CDH13: variants seen among roughly 807,000 people sequenced by gnomAD.
CDH13 encodes cadherin 13.
Under a neutral mutation model 63.8 loss-of-function variants are expected in CDH13, and 24 were observed. The observed-to-expected ratio is 0.38, with a 90% CI of 0.27 to 0.53. The LOEUF (loss-of-function observed/expected upper bound fraction) is 0.53, where lower values mean the gene tolerates loss of function less well. Ranked by LOEUF, CDH13 falls within the 20% of genes least tolerant of loss-of-function variation. The pLI, the probability that CDH13 is intolerant of heterozygous loss-of-function variation, is 0.85. For missense variants in CDH13, 1,049 were observed against 903.1 expected, an observed-to-expected ratio of 1.16 and a Z score of -2.07; for synonymous variants, 503 against 355.3, an observed-to-expected ratio of 1.42 and a Z score of -4.67.
intron 1 of CDH13, among the ~76,000 whole-genome samples, chr16:82,734,312 T>G (rs1014019111): frequency 6.6e-6 from 1 of 152,226 alleles, no homozygotes; most frequent in African/African-American, 2.4e-5. Flanking sequence ...TGTTTACTAT[T>G]TGGCCTTTTA....
intron 2 of CDH13, among the ~76,000 whole-genome samples, chr16:82,969,847 C>T (rs976462831): frequency 3.3e-5 from 5 of 152,146 alleles, no homozygotes; most frequent in African/African-American, 4.8e-5. Flanking sequence ...AAACTCTTCT[C>T]TCCAGGAAAC....
At chr16:83,456,979 A>T (rs2073040632) in intron 6 of CDH13, among the ~76,000 whole-genome samples, 1 of 152,092 alleles carries the variant, frequency 6.6e-6, no homozygotes, top group Non-Finnish European at 1.5e-5. Context: ...AAAAAGAAAG[A>T]TCCCCTAGGG....
At chr16:82,701,829 A>T (rs1202183125) in intron 1 of CDH13, among the ~76,000 whole-genome samples, 2 of 152,138 alleles carry the variant, frequency 1.3e-5, no homozygotes, top group African/African-American at 4.8e-5. Context: ...AGGGGACAGG[A>T]TGCTCTGATT....
chr16:83,096,680 C>A (rs1236831574), intron 3 of CDH13, among the ~76,000 whole-genome samples: 5 of 152,290 alleles, frequency 3.3e-5, no homozygotes, highest in East Asian at 1.9e-4. Flanking sequence ...CTCCCTTGGA[C>A]TGAGTGCAAT....
intron 10 of CDH13, among the ~76,000 whole-genome samples, chr16:83,742,932 G>T (rs540363294): frequency 6.6e-6 from 1 of 152,186 alleles, no homozygotes; most frequent in Non-Finnish European, 1.5e-5. Context: ...AACTGGCCAG[G>T]TGCGGTGGCT....
At chr16:83,432,185 G>T (rs75505661) in intron 6 of CDH13, among the ~76,000 whole-genome samples, 6 of 152,096 alleles carry the variant, frequency 3.9e-5, no homozygotes, top group Admixed American at 6.6e-5. Flanking sequence ...TCCCTGTGAC[G>T]TGGGAATCTT....
chr16:82,726,430 A>G (rs1395689454), intron 1 of CDH13, among the ~76,000 whole-genome samples: 1 of 152,212 alleles, frequency 6.6e-6, no homozygotes, highest in Non-Finnish European at 1.5e-5. Context: ...TGGACCACAA[A>G]CTGTTACTTT....
chr16:82,633,928 A>G (rs2150871787), intron 1 of CDH13, among the ~76,000 whole-genome samples: 1 of 152,354 alleles, frequency 6.6e-6, no homozygotes, highest in Admixed American at 6.5e-5. Flanking sequence ...ATATAACTCC[A>G]TATACACATA....
At position 83,344,906 on chromosome 16, in the gene CDH13, G is replaced by T; in HGVS notation, c.681G>T (p.Gly227=). The change falls in exon 6 of 14, where the codon GGG becomes GGT. Residue 227 remains glycine (G), a synonymous_variant. Transcript: ENST00000567109. ...ATGTCAATGGCAAAACTCTCGAGGG[G>T]CCGGTGCCTCTGGAAGTCATTGTGA... is the stretch of plus-strand genomic sequence containing the variant. ...TTDVNGKTLE[G]PVPLEVIVID... is the part of the protein sequence containing the mutation. 1 of 1,613,972 alleles carries T rather than the reference G, an allele frequency of 6.2e-7. No individual in the cohort carries two copies. Among genetic ancestry groups the T allele is most frequent in the Non-Finnish European group, 8.5e-7 (1 of 1,179,850 alleles).
At chr16:82,844,349 A>C (rs72807836) in intron 1 of CDH13, 38,208 of 152,030 alleles carry the variant, frequency 0.25, 5,801 homozygotes, top group Non-Finnish European at 0.35. Flanking sequence ...ACTATAAGGT[A>C]ATAAAACTCT....
At chr16:83,268,313 C>A (rs1243840145) in intron 5 of CDH13, among the ~76,000 whole-genome samples, 1 of 152,158 alleles carries the variant, frequency 6.6e-6, no homozygotes, top group African/African-American at 2.4e-5. Flanking sequence ...TGGACAGTTA[C>A]GCTGCTGGTG....
chr16:83,132,588 T>A (rs2151658649), intron 4 of CDH13, among the ~76,000 whole-genome samples: 1 of 151,566 alleles, frequency 6.6e-6, no homozygotes, highest in East Asian at 2.0e-4. Flanking sequence ...GGACTACAGG[T>A]GGATGCCACC....
At chr16:82,847,585 G>T (rs1335283626) in intron 1 of CDH13, among the ~76,000 whole-genome samples, 1 of 152,146 alleles carries the variant, frequency 6.6e-6, no homozygotes, top group Non-Finnish European at 1.5e-5. Flanking sequence ...CATAATCCAG[G>T]ATAAGCATGC....
intron 4 of CDH13, among the ~76,000 whole-genome samples, chr16:83,192,219 C>T (rs910098001): frequency 7.2e-5 from 11 of 152,134 alleles, no homozygotes; most frequent in African/African-American, 2.7e-4. Flanking sequence ...ATTGTGAATG[C>T]AATAATGGTG....
intron 11 of CDH13, among the ~76,000 whole-genome samples, chr16:83,775,972 A>G (rs1915082912): frequency 6.6e-6 from 1 of 152,172 alleles, no homozygotes; most frequent in Admixed American, 6.5e-5. Flanking sequence ...AGGAATTTTG[A>G]AATTTTGAAT....
intron 6 of CDH13, among the ~76,000 whole-genome samples, chr16:83,406,567 G>A (rs1318049699): frequency 3.9e-5 from 6 of 152,016 alleles, no homozygotes; most frequent in Non-Finnish European, 5.9e-5. Flanking sequence ...GGGTTCCAGC[G>A]ATTCTCCTGC....
intron 6 of CDH13, among the ~76,000 whole-genome samples, chr16:83,469,189 A>T (rs1261907355): frequency 6.6e-6 from 1 of 152,062 alleles, no homozygotes; most frequent in African/African-American, 2.4e-5. Flanking sequence ...GGGCTTTTCA[A>T]CTCAGTGTTT....
At chr16:83,002,870 C>G (rs72794159) in intron 2 of CDH13, among the ~76,000 whole-genome samples, 24,214 of 152,178 alleles carry the variant, frequency 0.16, 2,371 homozygotes, top group African/African-American at 0.26. Context: ...GCAGCAAAGG[C>G]TGACAAGACC....
At position 83,196,766 on chromosome 16, in the gene CDH13, A is replaced by C. The variant is rs530393549; in HGVS notation, c.484-20579A>C. Reference sequence around the variant, plus strand: ...CCGGTACACACCTATTAGAACAGTTAATTTATTTTTAAAAAGCAGTAACAT... The same window carrying C: ...CCGGTACACACCTATTAGAACAGTTCATTTATTTTTAAAAAGCAGTAACAT... On this transcript the variant is annotated intron_variant, in intron 4 of 13. Transcript: ENST00000567109. Among the ~76,000 whole-genome samples, 14 of 152,322 alleles carry C rather than the reference A, an allele frequency of 9.2e-5. No individual in the cohort carries two copies. The South Asian group carries it at 2.1e-3, about 23-fold the overall frequency.
Sources: gnomAD v4.1 joint callset for allele counts (sites outside exome capture counted in the v4.1 genomes callset) on GRCh38, gnomAD v4.1.1 for gene constraint, MANE v1.5 for transcripts, NCBI Gene and HGNC (gene_info 2026-07-23, HGNC 2026-07-21) for gene names.